Variants in CSMD1 observed in about 807,000 individuals in gnomAD.
CSMD1 encodes CUB and sushi domain-containing protein 1.
Under a neutral mutation model 417.5 loss-of-function variants are expected in CSMD1, and 213 were observed. The observed-to-expected ratio is 0.51, with a 90% CI of 0.46 to 0.57. CSMD1 has a LOEUF of 0.57. CSMD1 is among the 20% of genes least tolerant of loss of function. CSMD1 has a pLI of 0.00. For missense variants in CSMD1, 6,923 were observed against 4,529.7 expected (o/e 1.53, Z -15.17); for synonymous variants, 2,862 against 1,736.8 (o/e 1.65, Z -16.11).
intron 1 of CSMD1, among the ~76,000 whole-genome samples, chr8:4,962,318 T>C (rs10094549): frequency 0.71 from 107,091 of 151,868 alleles, 38,344 homozygotes; most frequent in African/African-American, 0.82. Flanking sequence ...TCAAAAGAGC[T>C]TCCCATCTTT....
chr8:4,625,840 G>T (rs944706793), intron 2 of CSMD1, among the ~76,000 whole-genome samples: 1 of 151,922 alleles, frequency 6.6e-6, no homozygotes. Flanking sequence ...TCTCATACCT[G>T]AGCCTCCCGA....
At chr8:3,081,180 G>C (rs188490562) in intron 49 of CSMD1, among the ~76,000 whole-genome samples, 2 of 152,118 alleles carry the variant, frequency 1.3e-5, no homozygotes, top group African/African-American at 2.4e-5. Flanking sequence ...CAACGTGCCA[G>C]GTTTGATCTT....
chr8:4,073,176 T>G (rs755435633), intron 3 of CSMD1, among the ~76,000 whole-genome samples: 5 of 152,092 alleles, frequency 3.3e-5, no homozygotes, highest in Non-Finnish European at 5.9e-5. Context: ...AAAATCGAGA[T>G]GAAGCACTTC....
At chr8:4,442,740 A>C (rs1043069728) in intron 2 of CSMD1, among the ~76,000 whole-genome samples, 3 of 152,048 alleles carry the variant, frequency 2.0e-5, no homozygotes, top group African/African-American at 7.3e-5. Context: ...ATCAGTCACT[A>C]TTTTATGTTT....
At chr8:3,071,183 A>C (rs1277891301) in intron 49 of CSMD1, among the ~76,000 whole-genome samples, 2 of 152,254 alleles carry the variant, frequency 1.3e-5, no homozygotes, top group Admixed American at 6.5e-5. Context: ...GCCCACCTCC[A>C]GCATTGGGCA....
intron 3 of CSMD1, among the ~76,000 whole-genome samples, chr8:4,129,348 C>A (rs1429881705): frequency 6.6e-6 from 1 of 152,058 alleles, no homozygotes; most frequent in Non-Finnish European, 1.5e-5. Context: ...TTTGAACCTT[C>A]TTGAATGCAT....
intron 1 of CSMD1, among the ~76,000 whole-genome samples, chr8:4,694,430 C>A (rs1563157301): frequency 6.6e-6 from 1 of 152,094 alleles, no homozygotes. Context: ...TGGGTCACTG[C>A]AACCCCTGCC....
At chr8:4,205,926 T>C (rs188469370) in intron 3 of CSMD1, among the ~76,000 whole-genome samples, 236 of 152,264 alleles carry the variant, frequency 1.5e-3, no homozygotes, top group African/African-American at 5.5e-3. Context: ...GCAGCCACGT[T>C]TTTCTGACTC....
At chr8:3,075,912 G>A (rs997901858) in intron 49 of CSMD1, among the ~76,000 whole-genome samples, 10 of 151,482 alleles carry the variant, frequency 6.6e-5, no homozygotes, top group Non-Finnish European at 7.4e-5. Flanking sequence ...TTAGCCGGGC[G>A]TGGTGGCGGG....
At chr8:3,948,118 A>C (rs1811360329) in intron 5 of CSMD1, among the ~76,000 whole-genome samples, 1 of 152,186 alleles carries the variant, frequency 6.6e-6, no homozygotes. Context: ...AGGCAGGATA[A>C]CTGCTTTAAC....
At chr8:3,776,925 G>A (rs1045288421) in intron 5 of CSMD1, among the ~76,000 whole-genome samples, 2 of 151,650 alleles carry the variant, frequency 1.3e-5, no homozygotes, top group East Asian at 1.9e-4. Context: ...ATGTTGCCCA[G>A]CCTGGTCTCA....
At chr8:4,713,603 A>G (rs1478896883) in intron 1 of CSMD1, among the ~76,000 whole-genome samples, 3 of 151,790 alleles carry the variant, frequency 2.0e-5, no homozygotes, top group African/African-American at 7.3e-5. Flanking sequence ...GTTTCACCAT[A>G]TGATAATGCA....
chr8:4,110,526 G>T (rs1235831169), intron 3 of CSMD1, among the ~76,000 whole-genome samples: 1 of 152,006 alleles, frequency 6.6e-6, no homozygotes, highest in African/African-American at 2.4e-5. Flanking sequence ...TGCAAGTTAA[G>T]GATTTTCATT....
intron 62 of CSMD1, among the ~76,000 whole-genome samples, 178 bp downstream of exon 62, chr8:2,960,963 T>C (rs979572330): frequency 1.6e-5 from 2 of 126,066 alleles, no homozygotes; most frequent in African/African-American, 3.9e-5. Context: ...TATATATATA[T>C]ATACATATAT....
At chr8:4,486,828 C>G (rs912694803) in intron 2 of CSMD1, among the ~76,000 whole-genome samples, 1 of 152,140 alleles carries the variant, frequency 6.6e-6, no homozygotes, top group Non-Finnish European at 1.5e-5. Context: ...TGCAAAAGTT[C>G]CACTTGGCTA....
intron 17 of CSMD1, among the ~76,000 whole-genome samples, chr8:3,391,040 C>A (rs945236427): frequency 3.3e-5 from 5 of 152,194 alleles, no homozygotes; most frequent in African/African-American, 1.2e-4. Context: ...CTCATGTATG[C>A]ATCCATGCGT....
intron 6 of CSMD1, among the ~76,000 whole-genome samples, chr8:3,723,603 G>C (rs1429694450): frequency 6.6e-6 from 1 of 152,116 alleles, no homozygotes; most frequent in Non-Finnish European, 1.5e-5. Context: ...TGAAATTCGG[G>C]TTTTCAAGAA....
intron 23 of CSMD1, among the ~76,000 whole-genome samples, chr8:3,310,976 T>G (rs1448560711): frequency 6.6e-6 from 1 of 152,208 alleles, no homozygotes. Context: ...GATGAAAGCC[T>G]GGACTAAGAA....
At chr8:4,045,146 G>A (rs1053501383) in intron 3 of CSMD1, among the ~76,000 whole-genome samples, 3 of 152,186 alleles carry the variant, frequency 2.0e-5, no homozygotes, top group African/African-American at 7.2e-5. Context: ...CCCACCTGCA[G>A]CGGCCACGCA....
Sources: allele counts gnomAD v4.1 joint callset (sites outside exome capture counted in the v4.1 genomes callset), GRCh38; gene constraint gnomAD v4.1.1; transcripts MANE v1.5; gene names NCBI Gene and HGNC (gene_info 2026-07-23, HGNC 2026-07-21).